KCNQ1: variants seen among roughly 807,000 people sequenced by gnomAD.
The protein encoded by KCNQ1 is potassium voltage-gated channel subfamily KQT member 1.
A neutral mutation model predicts 72.4 loss-of-function variants in KCNQ1; 49 were observed. The ratio of observed to expected loss-of-function variants is 0.68; its 90% CI spans 0.54 to 0.86. The LOEUF (loss-of-function observed/expected upper bound fraction) is 0.86. KCNQ1 is among the 40% of genes least tolerant of loss of function. KCNQ1 has a pLI of 0.00. For missense variants in KCNQ1, 790 were observed against 945.1 expected (o/e 0.84, Z 2.15); for synonymous variants, 450 against 412.6 (o/e 1.09, Z -1.10).
chr11:2,616,271 C>T (rs764851167), intron 10 of KCNQ1: 15 of 395,554 alleles, frequency 3.8e-5, no homozygotes, highest in Non-Finnish European at 6.7e-5. Flanking sequence ...TAGATATGTG[C>T]AACTTCTCTA....
At chr11:2,506,108 C>G (rs1847100317) in intron 1 of KCNQ1, among the ~76,000 whole-genome samples, 1 of 152,208 alleles carries the variant, frequency 6.6e-6, no homozygotes, top group Admixed American at 6.5e-5. Flanking sequence ...GCACTGTTCA[C>G]CGGAGCCTGT....
intron 1 of KCNQ1, among the ~76,000 whole-genome samples, chr11:2,474,397 T>C (rs1846540229): frequency 6.6e-6 from 1 of 152,140 alleles, no homozygotes; most frequent in Non-Finnish European, 1.5e-5. Flanking sequence ...CAGGCTGCAG[T>C]GGGCACCCGA....
chr11:2,648,180 G>C, intron 10 of KCNQ1: 1 of 396,260 alleles, frequency 2.5e-6, no homozygotes, highest in Non-Finnish European at 4.4e-6. Flanking sequence ...GCTCTAGCCT[G>C]GGTGACAGAG....
At chr11:2,576,295 C>T (rs1007862478) in intron 6 of KCNQ1, among the ~76,000 whole-genome samples, 5 of 152,202 alleles carry the variant, frequency 3.3e-5, no homozygotes, top group East Asian at 1.9e-4. Flanking sequence ...CTGTCCCCTT[C>T]GCCGGGGTGG....
At chr11:2,605,043 A>C (rs1848860364) in intron 10 of KCNQ1, among the ~76,000 whole-genome samples, 1 of 152,056 alleles carries the variant, frequency 6.6e-6, no homozygotes, top group Non-Finnish European at 1.5e-5. Flanking sequence ...CCCTGTGACT[A>C]CTCACGTTGA....
rs1187279250 is a variant in KCNQ1 at position 2,830,117 on chromosome 11, G to A, written c.1795-17650G>A. ...GGAGCTCTGAGAGGGGAAGGTGGGT[G>A]CATGCCACCCTGGCTGGGAACAGCA... On this transcript the variant is annotated intron_variant, in intron 15 of 15. Coordinates refer to ENST00000155840, the MANE Select transcript of KCNQ1 (RefSeq NM_000218.3). This position sits in a 1 kb window ranked among gnomAD's most constrained non-coding sequence, Gnocchi z 7.7. Among the ~76,000 whole-genome samples, 2 of 151,898 alleles carry A rather than the reference G, an allele frequency of 1.3e-5. No homozygotes were observed. The highest frequency in any genetic ancestry group is 3.9e-4 in the East Asian group (2 of 5,162).
chr11:2,629,281 G>A (rs2133813980), intron 10 of KCNQ1: 1 of 398,318 alleles, frequency 2.5e-6, no homozygotes, highest in Admixed American at 4.4e-5. Flanking sequence ...ATGTTTCATA[G>A]TTTTCAGTGT....
intron 1 of KCNQ1, among the ~76,000 whole-genome samples, chr11:2,503,789 C>T (rs1219456117): frequency 1.3e-5 from 2 of 151,954 alleles, no homozygotes; most frequent in Non-Finnish European, 2.9e-5. Flanking sequence ...AGATATGACC[C>T]CACCCTGGTC....
Position 2,495,165 on chromosome 11 carries a change from C to T in KCNQ1, c.387-32763C>T, listed in dbSNP as rs970340842. On this transcript the variant is annotated intron_variant, in intron 1 of 15. Coordinates refer to ENST00000155840, the MANE Select transcript of KCNQ1 (RefSeq NM_000218.3). The surrounding 1 kb of genome is among the most constrained non-coding windows in gnomAD (Gnocchi z 4.6). The stretch of plus-strand genomic sequence containing the variant: ...TATTCTCTGATGGTAGTTTGTATTT[C>T]TGTGGGATCAGTGGTGATATCCCCT... 3.3e-5 allele frequency among the ~76,000 whole-genome samples: 5 copies of T among 152,158 alleles called. No homozygotes were observed. The highest frequency in any genetic ancestry group is 7.3e-5 in the Non-Finnish European group (5 of 68,032).
At chr11:2,705,165 A>C (rs1183898128) in intron 11 of KCNQ1, among the ~76,000 whole-genome samples, 2 of 152,204 alleles carry the variant, frequency 1.3e-5, no homozygotes, top group Non-Finnish European at 2.9e-5. Context: ...CCCTCAGACA[A>C]CAGTGCTGTG....
chr11:2,510,974 T>C (rs1229146059), intron 1 of KCNQ1, among the ~76,000 whole-genome samples: 1 of 152,258 alleles, frequency 6.6e-6, no homozygotes, highest in Admixed American at 6.5e-5. Flanking sequence ...CACCAGCTCC[T>C]GGGGCAGCCC....
Position 2,621,804 on chromosome 11 carries a change from A to G in KCNQ1, c.1393+32950A>G, listed in dbSNP as rs1277248766. 4 of 398,168 alleles carry G rather than the reference A, an allele frequency of 1.0e-5. No homozygotes were observed. The highest frequency in any genetic ancestry group is 8.8e-5 in the Admixed American group (2 of 22,710). The allele number at this position is 398,168 out of a possible 1,614,324, so 24.7% of individuals were successfully genotyped here. A position where few individuals can be genotyped will look rare whatever the true frequency, so the allele number is the denominator to read the frequency against. ...TGTTGATTTTATTTTTCAAAAATCA[A>G]TTCTTTGTTTCAAAAATTGAAGTCT... On this transcript the variant is annotated intron_variant, in intron 10 of 15. Coordinates refer to ENST00000155840, the MANE Select transcript of KCNQ1 (RefSeq NM_000218.3). This position sits in a 1 kb window ranked among gnomAD's most constrained non-coding sequence, Gnocchi z 5.7.
chr11:2,777,767 G>T, intron 14 of KCNQ1: 1 of 634,420 alleles, frequency 1.6e-6, no homozygotes, highest in South Asian at 1.8e-5. Context: ...GCAGGATGGA[G>T]CCCAGGTCCC....
chr11:2,824,429 G>T lies in KCNQ1; in HGVS notation c.1795-23338G>T, dbSNP rs926456131. ...GGTTCTGGCTTGGCCATATGTTGGA[G>T]GCTGAAACGATTCATCCAGACAGGA... On this transcript the variant is annotated intron_variant, in intron 15 of 15. Transcript: ENST00000155840. The surrounding 1 kb of genome is among the most constrained non-coding windows in gnomAD (Gnocchi z 5.9). Among the ~76,000 whole-genome samples the T allele has an allele frequency of 2.0e-5, 3 of 152,190 alleles. No individual in the cohort carries two copies. The highest frequency in any genetic ancestry group is 4.4e-5 in the Non-Finnish European group (3 of 68,042).
chr11:2,635,391 T>C (rs1223474047), intron 10 of KCNQ1: 1 of 152,220 alleles, frequency 6.6e-6, no homozygotes, highest in African/African-American at 2.4e-5. Flanking sequence ...GTTTCAGCTT[T>C]CTACATATGG....
intron 1 of KCNQ1, among the ~76,000 whole-genome samples, chr11:2,504,539 T>A (rs374839682): frequency 9.2e-5 from 14 of 152,242 alleles, no homozygotes; most frequent in African/African-American, 3.1e-4. Flanking sequence ...ATGACTCACT[T>A]AAGGCCAGGA....
At chr11:2,822,504 G>A (rs142586609) in intron 15 of KCNQ1, among the ~76,000 whole-genome samples, 1 of 152,202 alleles carries the variant, frequency 6.6e-6, no homozygotes, top group Non-Finnish European at 1.5e-5. Context: ...AGAGCTAAAG[G>A]CTACATAATA....
Position 2,753,882 on chromosome 11 carries a change from G to T in KCNQ1, c.1515-14962G>T, listed in dbSNP as rs185599722. Among the ~76,000 whole-genome samples the T allele has an allele frequency of 3.2e-3, 487 of 151,934 alleles. 3 individuals carry two copies. The highest frequency in any genetic ancestry group is 0.011 in the African/African-American group (470 of 41,446). The stretch of plus-strand genomic sequence containing the variant: ...CAAGGAACTGAGACATCTGTGGCTG[G>T]TTTTTTTTGTTGTTGTTGTTTTTCC... On this transcript the variant is annotated intron_variant, in intron 11 of 15. Transcript: ENST00000155840.
chr11:2,528,358 G>A (rs775007591), intron 2 of KCNQ1, among the ~76,000 whole-genome samples: 5 of 152,202 alleles, frequency 3.3e-5, no homozygotes, highest in Admixed American at 6.5e-5. Flanking sequence ...CCGAGCCTTC[G>A]TGTCCCTGGG....
Sources: gnomAD v4.1 joint callset for allele counts (sites outside exome capture counted in the v4.1 genomes callset) on GRCh38, gnomAD v4.1.1 for gene constraint, Gnocchi (gnomAD v3.1) non-coding constraint, MANE v1.5 for transcripts, NCBI Gene and HGNC (gene_info 2026-07-23, HGNC 2026-07-21) for gene names.